Variants in AMER1 observed in about 807,000 individuals in gnomAD.
The protein encoded by AMER1 is RP11-403E24.2.
In AMER1, 16 loss-of-function variants were observed where a neutral mutation model predicts 53.0. The observed-to-expected ratio is 0.30, with a 90% confidence interval of 0.20 to 0.46. The LOEUF (loss-of-function observed/expected upper bound fraction) is 0.46. AMER1 is among the 20% of genes least tolerant of loss of function. AMER1 has a pLI of 1.00. For missense variants in AMER1, 947 were observed against 884.9 expected, an observed-to-expected ratio of 1.07 and a Z score of -0.89; for synonymous variants, 354 against 331.9, an observed-to-expected ratio of 1.07 and a Z score of -0.73.
Position 64,191,800 on chromosome X carries a change from G to C in AMER1, c.1487C>G (p.Pro496Arg), listed in dbSNP as rs2147088172. 8.3e-7 allele frequency: 1 copy of C among 1,211,554 alleles called. No homozygotes were observed. Among genetic ancestry groups the C allele is most frequent in the South Asian group, 1.8e-5 (1 of 56,908 alleles). Reference protein sequence around the residue: ...ALGLVRRDCLPRDSYSGDALY... With the variant: ...ALGLVRRDCLRRDSYSGDALY... ...GGCATCTCCACTGTAGCTGTCTCGG[G>C]GTAGACAATCCCTGCGGACAAGCCC... Residue 496 changes from proline to arginine, a missense_variant, in exon 2 of 2, where the codon CCC (proline) becomes CGC (arginine). Transcript: ENST00000374869.
intron 1 of AMER1, among the ~76,000 whole-genome samples, chrX:64,203,760 T>C (rs1014658472): frequency 7.2e-5 from 8 of 111,046 alleles, no homozygotes; most frequent in Non-Finnish European, 1.5e-4. Flanking sequence ...GGGAGTTACA[T>C]AGAGCAGATA....
In AMER1 at chrX:64,193,019, G is replaced by A. The variant is rs781369600; in HGVS notation, c.268C>T (p.Leu90Phe). 8.3e-7 allele frequency: 1 copy of A among 1,211,820 alleles called. No homozygotes were observed. The highest frequency in any genetic ancestry group is 1.1e-6 in the Non-Finnish European group (1 of 895,493). Residue 90 changes from leucine (L) to phenylalanine (F), a missense_variant, in exon 2 of 2, where the codon CTC becomes TTC. Transcript: ENST00000374869. Reference protein sequence around the residue: ...GSGKGSSKKGLSKSKTHDGLS... With the variant: ...GSGKGSSKKGFSKSKTHDGLS... ...CCATCGTGGGTCTTGCTCTTGCTGA[G>A]ACCTTTCTTGGAGCTGCCTTTCCCA...
In AMER1 at chrX:64,190,486, T is replaced by A. The variant is rs765020689; in HGVS notation, c.2801A>T (p.Glu934Val). 1.4e-5 allele frequency: 17 copies of A among 1,210,392 alleles called. No individual in the cohort carries two copies. Among genetic ancestry groups the A allele is most frequent in the South Asian group, 1.8e-5 (1 of 56,809 alleles). ...QQEDSDEEDE[E>V]EEEGEWSRDS... ...TCGGCTCCATTCTCCTTCTTCCTCC[T>A]CTTCGTCCTCCTCATCTGAATCTTC... Residue 934 changes from glutamate to valine, a missense_variant, in exon 2 of 2, where the codon GAG becomes GTG. Physicochemically the swap from Glu to Val is moderately radical, Grantham distance 121. Coordinates refer to ENST00000374869, the MANE Select transcript of AMER1 (RefSeq NM_152424.4).
chrX:64,203,366 G>A (rs1290598592), intron 1 of AMER1, among the ~76,000 whole-genome samples: 1 of 111,611 alleles, frequency 9.0e-6, no homozygotes, highest in Non-Finnish European at 1.9e-5. Flanking sequence ...AAAGGTAAAG[G>A]TCTTCTGGAA....
rs150075206 is a variant in AMER1 at position 64,192,150 on chromosome X, G to A, written c.1137C>T (p.Asp379=). The change falls in exon 2 of 2, where the codon GAC becomes GAT. Residue 379 remains aspartate, a synonymous_variant. Coordinates refer to ENST00000374869, the MANE Select transcript of AMER1 (RefSeq NM_152424.4). ...CCTCTTCTTCCTCTTCTTCCTCCTC[G>A]TCATCATCATCTGGCAAGGCCATCT... ...GEEMALPDDD[D]EEEEEEEEVE... 8.5e-4 allele frequency: 1,022 copies of A among 1,207,660 alleles called. 6 individuals are homozygous for A. The African/African-American group carries it at 0.015, about 18-fold the overall frequency.
chrX:64,199,791 C>T (rs767870245), intron 1 of AMER1, among the ~76,000 whole-genome samples: 2 of 112,218 alleles, frequency 1.8e-5, no homozygotes, highest in Non-Finnish European at 3.8e-5. Flanking sequence ...CAGCACTTCA[C>T]TCCTCCACTT....
In AMER1 at chrX:64,189,446, ATGTGTGTGCATG is replaced by A; in HGVS notation, c.*421_*432del. 1.3e-6 allele frequency: 1 copy of A among 753,901 alleles called. No individual in the cohort carries two copies. The highest frequency in any genetic ancestry group is 7.1e-5 in the South Asian group (1 of 14,152). 62.1% of individuals were successfully genotyped at this position (753,901 alleles called of 1,213,427 possible). On this transcript the variant is annotated 3_prime_UTR_variant, in exon 2 of 2. Coordinates refer to ENST00000374869, the MANE Select transcript of AMER1 (RefSeq NM_152424.4). The stretch of plus-strand genomic sequence containing the variant: ...CCTGTGTCAAGGATGCATGCTATAT[ATGTGTGTGCATG>A]TGTGTTTGTGTGTGTGTGTGTATGT...
chrX:64,195,602 T>G (rs1303211506), intron 1 of AMER1, among the ~76,000 whole-genome samples: 3 of 112,000 alleles, frequency 2.7e-5, no homozygotes, highest in African/African-American at 6.5e-5. Context: ...GTGAACCCTA[T>G]TGCAAACTGC....
intron 1 of AMER1, among the ~76,000 whole-genome samples, chrX:64,204,929 G>A (rs1930566754): frequency 8.8e-6 from 1 of 113,360 alleles, no homozygotes; most frequent in South Asian, 3.6e-4. Flanking sequence ...ACAAGGCCAA[G>A]GTTCTGAAGG....
rs1602065501 is a variant in AMER1 at position 64,188,589 on chromosome X, A to G, written c.*1290T>C. On this transcript the variant is annotated 3_prime_UTR_variant, in exon 2 of 2. Coordinates refer to ENST00000374869, the MANE Select transcript of AMER1 (RefSeq NM_152424.4). Reference sequence around the variant, plus strand: ...GAACAGCAGCTGAGATGCCTTTGGTATCCTGTCTTGGGAGTGCAAACCTGG... The same window carrying G: ...GAACAGCAGCTGAGATGCCTTTGGTGTCCTGTCTTGGGAGTGCAAACCTGG... 1 of 802,825 alleles carries G rather than the reference A, an allele frequency of 1.2e-6. No individual in the cohort carries two copies. Among genetic ancestry groups the G allele is most frequent in the East Asian group, 7.2e-5 (1 of 13,921 alleles). The allele number at this position is 802,825 out of a possible 1,213,427, so 66.2% of individuals were successfully genotyped here.
At position 64,191,920 on chromosome X, in the gene AMER1, G is replaced by A. The variant is rs1249739984; in HGVS notation, c.1367C>T (p.Pro456Leu). The change falls in exon 2 of 2, where the codon CCT becomes CTT. Residue 456 changes from proline (P) to leucine (L), a missense_variant. Pro to Leu is a moderately conservative substitution (Grantham distance 98, BLOSUM62 -3). Transcript: ENST00000374869. ...PGLAPGELLT[P>L]QSDQQESAPN... ...GGCGGATTCTTGCTGGTCACTCTGA[G>A]GAGTCAAAAGTTCCCCAGGGGCTAG... 8.3e-7 allele frequency: 1 copy of A among 1,211,801 alleles called. No homozygotes were observed. The highest frequency in any genetic ancestry group is 1.8e-5 in the South Asian group (1 of 56,936).
In AMER1 at chrX:64,189,793, A is replaced by AACCCC; in HGVS notation, c.*85_*86insGGGGT. The AACCCC allele has an allele frequency of 3.4e-6, 1 of 292,074 alleles. No homozygotes were observed. Among genetic ancestry groups the AACCCC allele is most frequent in the Non-Finnish European group, 4.9e-6 (1 of 204,832 alleles). 24.1% of individuals were successfully genotyped at this position (292,074 alleles called of 1,213,427 possible). ...CAAAGGGTTTTCAAGTTAAACAACA[A>AACCCC]CCCCCACCCCCCCACCCTTCTGCCC... On this transcript the variant is annotated 3_prime_UTR_variant, in exon 2 of 2. Coordinates refer to ENST00000374869, the MANE Select transcript of AMER1 (RefSeq NM_152424.4).
Position 64,189,793 on chromosome X carries a change from A to ACCCACCCCCCCCCCCCCCCCCTCC in AMER1, c.*85_*86insGGAGGGGGGGGGGGGGGGGGTGGG. ...CAAAGGGTTTTCAAGTTAAACAACA[A>ACCCACCCCCCCCCCCCCCCCCTCC]CCCCCACCCCCCCACCCTTCTGCCC... On this transcript the variant is annotated 3_prime_UTR_variant, in exon 2 of 2. Coordinates refer to ENST00000374869, the MANE Select transcript of AMER1 (RefSeq NM_152424.4). The ACCCACCCCCCCCCCCCCCCCCTCC allele has an allele frequency of 3.4e-6, 1 of 292,074 alleles. No individual in the cohort carries two copies. Among genetic ancestry groups the ACCCACCCCCCCCCCCCCCCCCTCC allele is most frequent in the Admixed American group, 8.5e-5 (1 of 11,827 alleles). 24.1% of individuals were successfully genotyped at this position (292,074 alleles called of 1,213,427 possible).
rs2147083979 is a variant in AMER1 at position 64,189,961 on chromosome X, A to G, written c.3326T>C (p.Leu1109Pro). The G allele has an allele frequency of 1.7e-6, 2 of 1,206,935 alleles. No individual in the cohort carries two copies. Among genetic ancestry groups the G allele is most frequent in the South Asian group, 3.6e-5 (2 of 55,941 alleles). ...PTHYGPSSLD[L>P]SKERAEQGAS... ...ACCTTGCTCAGCCCTCTCCTTTGAC[A>G]GGTCAAGGCTGGAAGGCCCATAGTG... Residue 1109 changes from leucine to proline, a missense_variant, in exon 2 of 2, where the codon CTG becomes CCG. Physicochemically the swap from Leu to Pro is moderately conservative, Grantham distance 98 (BLOSUM62 -3). Coordinates refer to ENST00000374869, the MANE Select transcript of AMER1 (RefSeq NM_152424.4).
rs1602066355 is a variant in AMER1 at position 64,190,004 on chromosome X, G to A, written c.3283C>T (p.Pro1095Ser). 8.3e-7 allele frequency: 1 copy of A among 1,205,730 alleles called. No individual in the cohort carries two copies. The highest frequency in any genetic ancestry group is 3.0e-5 in the East Asian group (1 of 33,557). The change falls in exon 2 of 2, where the codon CCC becomes TCC. Residue 1095 changes from proline to serine, a missense_variant. Coordinates refer to ENST00000374869, the MANE Select transcript of AMER1 (RefSeq NM_152424.4). ...CCATAGTGAGTGGGCTGAGGCTGGG[G>A]GTGCTCAGGCCGGACCCTGGGCAGC... ...PQLPRVRPEH[P>S]QPQPTHYGPS...
Position 64,191,962 on chromosome X carries a change from A to C in AMER1, c.1325T>G (p.Val442Gly), listed in dbSNP as rs2147088576. ...AGGGGCTAGGCCAGGATAAGACCTA[A>C]CTGGGTCAAGGAGCATGTAGCCGTG... is the stretch of plus-strand genomic sequence containing the variant. ...GHHGYMLLDP[V>G]RSYPGLAPGE... The change falls in exon 2 of 2, where the codon GTT (valine) becomes GGT (glycine). Residue 442 changes from valine (V) to glycine (G), a missense_variant. Physicochemically the swap from Val to Gly is moderately radical, Grantham distance 109 (BLOSUM62 -3). Coordinates refer to ENST00000374869, the MANE Select transcript of AMER1 (RefSeq NM_152424.4). 8.3e-7 allele frequency: 1 copy of C among 1,211,465 alleles called. No homozygotes were observed. The highest frequency in any genetic ancestry group is 1.1e-6 in the Non-Finnish European group (1 of 895,402).
intron 1 of AMER1, 143 bp from the exon 2 acceptor site, chrX:64,193,527 C>T (rs1442851782): frequency 3.3e-5 from 15 of 456,280 alleles, no homozygotes; most frequent in South Asian, 6.7e-5. Flanking sequence ...TTAATCCACT[C>T]GATATGCTTG....
rs1930238901 is a variant in AMER1, at chrX:64,191,296, A to G, written c.1991T>C (p.Met664Thr). ...YQMRPLGPSV[M>T]GLAAGVSGTS... ...CCCTGATACCCCTGCTGCCAGGCCC[A>G]TCACTGATGGGCCTAAGGGCCTCAT... The change falls in exon 2 of 2, where the codon ATG becomes ACG. Residue 664 changes from methionine to threonine, a missense_variant. Coordinates refer to ENST00000374869, the MANE Select transcript of AMER1 (RefSeq NM_152424.4). The G allele has an allele frequency of 5.0e-6, 6 of 1,209,768 alleles. No homozygotes were observed. Among genetic ancestry groups the G allele is most frequent in the African/African-American group, 1.8e-5 (1 of 57,053 alleles).
In AMER1 at chrX:64,192,092, CCTT is replaced by C; in HGVS notation, c.1192_1194del (p.Lys398del). ...TCTAAGTCATCATCTTCTTCCTCCT[CCTT>C]AACCTCCTCTTCTTCCTCCTCTAAT... On this transcript the variant is annotated inframe_deletion, in exon 2 of 2. Transcript: ENST00000374869. 8.3e-7 allele frequency: 1 copy of C among 1,211,246 alleles called. No homozygotes were observed. The highest frequency in any genetic ancestry group is 1.1e-6 in the Non-Finnish European group (1 of 895,021).
Sources: allele counts gnomAD v4.1 joint callset (sites outside exome capture counted in the v4.1 genomes callset), GRCh38; gene constraint gnomAD v4.1.1; transcripts MANE v1.5; gene names NCBI Gene and HGNC (gene_info 2026-07-23, HGNC 2026-07-21).